Variants in TLN2 observed in about 807,000 individuals in gnomAD.
TLN2 encodes the protein talin 2.
A neutral mutation model predicts 294.7 loss-of-function variants in TLN2; 118 were observed. The ratio of observed to expected loss-of-function variants is 0.40; its 90% CI spans 0.34 to 0.47. The LOEUF (loss-of-function observed/expected upper bound fraction) is 0.47, where lower values mean the gene tolerates loss of function less well. Ranked by LOEUF, TLN2 falls within the 20% of genes least tolerant of loss-of-function variation. The probability of loss-of-function intolerance (pLI) is 0.84; values close to 1 mark genes in which losing one functional copy is unlikely to be tolerated. For synonymous variants in TLN2, 1,431 were observed against 1,304.5 expected (o/e 1.10, Z -2.09); for missense variants, 3,083 against 3,282.2 (o/e 0.94, Z 1.48).
Position 62,737,028 on chromosome 15 carries a change from A to C in TLN2, c.3509A>C (p.Glu1170Ala), listed in dbSNP as rs769922438. Residue 1170 changes from glutamate (E) to alanine (A), a missense_variant, in exon 29 of 59, where the codon GAG becomes GCG. Coordinates refer to ENST00000636159, the MANE Select transcript of TLN2 (RefSeq NM_015059.3). Reference sequence around the variant, plus strand: ...GAGGGCTCCGCCATGCTCATTCAAGAGGCCAAGCAGGCCCTGATTGCACCT... The same window carrying C: ...GAGGGCTCCGCCATGCTCATTCAAGCGGCCAAGCAGGCCCTGATTGCACCT... ...VMEGSAMLIQ[E>A]AKQALIAPGD... 6.2e-6 allele frequency: 10 copies of C among 1,614,206 alleles called. No homozygotes were observed. The South Asian group carries it at 1.1e-4, about 18-fold the overall frequency.
chr15:62,457,611 C>T (rs1268083192), intron 1 of TLN2, among the ~76,000 whole-genome samples: 25 of 152,130 alleles, frequency 1.6e-4, no homozygotes, highest in Admixed American at 1.1e-3. Flanking sequence ...AGAGGGACAG[C>T]GTTCTGGTGG....
chr15:62,633,997 C>A (rs956408739), intron 3 of TLN2, among the ~76,000 whole-genome samples: 1 of 152,126 alleles, frequency 6.6e-6, no homozygotes, highest in Non-Finnish European at 1.5e-5. Flanking sequence ...CAAATTTCTC[C>A]TTCTTATAAG....
intron 1 of TLN2, among the ~76,000 whole-genome samples, chr15:62,475,357 T>C (rs1359384922): frequency 1.3e-5 from 2 of 152,178 alleles, no homozygotes; most frequent in Non-Finnish European, 2.9e-5. Flanking sequence ...CGCTCCTCGT[T>C]TTATAGATGA....
chr15:62,736,461 TG>T (rs1214120392), intron 28 of TLN2, among the ~76,000 whole-genome samples: 1 of 152,152 alleles, frequency 6.6e-6, no homozygotes, highest in Non-Finnish European at 1.5e-5. Context: ...GAGCTGCACA[TG>T]TAGACTTGTT....
intron 1 of TLN2, among the ~76,000 whole-genome samples, chr15:62,566,780 C>T (rs114910778): frequency 6.6e-6 from 1 of 151,976 alleles, no homozygotes; most frequent in Admixed American, 6.6e-5. Context: ...TGGTCTCAAA[C>T]TCCTGGGCAC....
chr15:62,756,100 A>G (rs1175243161), intron 37 of TLN2, among the ~76,000 whole-genome samples: 2 of 152,194 alleles, frequency 1.3e-5, no homozygotes, highest in Admixed American at 1.3e-4. Flanking sequence ...ATTGCTGAAT[A>G]TATCTGGACC....
At chr15:62,750,059 G>T (rs1421972162) in intron 33 of TLN2, among the ~76,000 whole-genome samples, 1 of 152,202 alleles carries the variant, frequency 6.6e-6, no homozygotes, top group Non-Finnish European at 1.5e-5. Context: ...CTGAGAAGTT[G>T]TGCTAATTGA....
chr15:62,686,138 C>CA (rs2057267319), intron 11 of TLN2, among the ~76,000 whole-genome samples: 1 of 151,782 alleles, frequency 6.6e-6, no homozygotes, highest in Non-Finnish European at 1.5e-5. Context: ...TACAAAATTC[C>CA]AAAACAAAGA....
intron 54 of TLN2, among the ~76,000 whole-genome samples, chr15:62,826,535 A>C (rs1375657323): frequency 1.3e-5 from 2 of 152,096 alleles, no homozygotes; most frequent in Non-Finnish European, 2.9e-5. Flanking sequence ...TGGGAGGTGT[A>C]CCTTTTGTTT....
intron 9 of TLN2, among the ~76,000 whole-genome samples, chr15:62,661,970 AAT>A (rs1200954362): frequency 1.3e-5 from 2 of 152,202 alleles, no homozygotes; most frequent in Non-Finnish European, 2.9e-5. Flanking sequence ...ATAAAGGAAA[AAT>A]AGACTGTATT....
At chr15:62,573,461 T>A (rs768678712) in intron 1 of TLN2, among the ~76,000 whole-genome samples, 3 of 152,150 alleles carry the variant, frequency 2.0e-5, no homozygotes, top group Non-Finnish European at 4.4e-5. Context: ...GGGGCCCCAG[T>A]GAGCACACAG....
At chr15:62,657,953 C>A in intron 9 of TLN2, 55 bp downstream of exon 9, 1 of 1,536,336 alleles carries the variant, frequency 6.5e-7, no homozygotes, top group Non-Finnish European at 8.8e-7. Flanking sequence ...CTTTCTCTTT[C>A]AGCTTTTTAT....
chr15:62,467,582 C>T (rs567004769), intron 1 of TLN2, among the ~76,000 whole-genome samples: 114 of 152,208 alleles, frequency 7.5e-4, no homozygotes, highest in African/African-American at 2.2e-3. Context: ...ATCCCAGCTA[C>T]TCGAGAGACT....
chr15:62,688,195 A>G (rs1040640809), intron 12 of TLN2, among the ~76,000 whole-genome samples: 15 of 152,212 alleles, frequency 9.9e-5, no homozygotes, highest in African/African-American at 3.6e-4. Flanking sequence ...CTCAGGCAAA[A>G]GAGAGAATAA....
chr15:62,637,368 T>C (rs1373565814), intron 3 of TLN2: 3 of 152,146 alleles, frequency 2.0e-5, no homozygotes, highest in Non-Finnish European at 4.4e-5. Context: ...AGGAGGAAAA[T>C]AGCAGGACTG....
At chr15:62,622,949 A>G (rs981353045) in intron 3 of TLN2, among the ~76,000 whole-genome samples, 5 of 152,314 alleles carry the variant, frequency 3.3e-5, no homozygotes, top group Admixed American at 2.0e-4. Context: ...GATGTTGCCC[A>G]TCATCTGTCT....
At chr15:62,536,423 C>G (rs527825311) in intron 1 of TLN2, among the ~76,000 whole-genome samples, 1 of 152,306 alleles carries the variant, frequency 6.6e-6, no homozygotes, top group East Asian at 1.9e-4. Flanking sequence ...TCTTCTGTGG[C>G]ACCAATTTGG....
At chr15:62,647,541 C>T in intron 4 of TLN2, 95 bp downstream of exon 4, 3 of 1,522,510 alleles carry the variant, frequency 2.0e-6, no homozygotes, top group Non-Finnish European at 2.7e-6. Flanking sequence ...GTACACAAGC[C>T]TATTAGTGCA....
chr15:62,457,231 G>C (rs1206016828), intron 1 of TLN2, among the ~76,000 whole-genome samples: 5 of 152,228 alleles, frequency 3.3e-5, no homozygotes, highest in Non-Finnish European at 7.3e-5. Flanking sequence ...CTGCCTTCTG[G>C]CTGCATCTTC....
Sources: gnomAD v4.1 joint callset for allele counts (sites outside exome capture counted in the v4.1 genomes callset) on GRCh38, gnomAD v4.1.1 for gene constraint, MANE v1.5 for transcripts, NCBI Gene and HGNC (gene_info 2026-07-23, HGNC 2026-07-21) for gene names.